ZNF385D: variants seen among roughly 807,000 people sequenced by gnomAD.
ZNF385D encodes zinc finger protein 659.
In ZNF385D, 15 loss-of-function variants were observed where a neutral mutation model predicts 35.8. The observed-to-expected ratio is 0.42, with a 90% CI of 0.28 to 0.64. The LOEUF (loss-of-function observed/expected upper bound fraction) is 0.64. Ranked by LOEUF, ZNF385D falls within the 30% of genes least tolerant of loss-of-function variation. ZNF385D has a pLI of 0.23. For synonymous variants in ZNF385D, 212 were observed against 186.8 expected (o/e 1.13, Z -1.10); for missense variants, 474 against 494.6 (o/e 0.96, Z 0.39).
At chr3:21,739,026 A>G (rs2069380600) in intron 1 of ZNF385D, among the ~76,000 whole-genome samples, 2 of 152,198 alleles carry the variant, frequency 1.3e-5, no homozygotes, top group Admixed American at 1.3e-4. Context: ...CTTCCCAACT[A>G]ATCATCACAT....
chr3:22,004,755 A>G (rs6784430), intron 3 of ZNF385D, among the ~76,000 whole-genome samples: 10,940 of 152,228 alleles, frequency 0.072, 1,280 homozygotes, highest in African/African-American at 0.25. Context: ...CAGAAACTCA[A>G]AAGAATGCAA....
Position 21,413,410 on chromosome 3 carries a change from G to A in ZNF385D, c.*7804C>T, listed in dbSNP as rs568821047. The A allele has an allele frequency of 2.4e-4, 36 of 152,098 alleles. No homozygotes were observed. The highest frequency in any genetic ancestry group is 2.0e-3 in the Admixed American group (31 of 15,258). The allele number at this position is 152,098 out of a possible 1,614,324, so 9.4% of individuals were successfully genotyped here. Reference sequence around the variant, plus strand: ...CATCACTGTGGCTGACCAATGATTCGGAATCTCACATTGGTGTGACTAGTG... The same window carrying A: ...CATCACTGTGGCTGACCAATGATTCAGAATCTCACATTGGTGTGACTAGTG... On this transcript the variant is annotated 3_prime_UTR_variant, in exon 8 of 8. Coordinates refer to ENST00000281523, the MANE Select transcript of ZNF385D (RefSeq NM_024697.3).
chr3:22,014,486 A>T (rs1696765048), intron 3 of ZNF385D, among the ~76,000 whole-genome samples: 1 of 152,166 alleles, frequency 6.6e-6, no homozygotes. Context: ...CATCAAACAA[A>T]ACACAAACTA....
chr3:22,030,270 T>C (rs1445326439), intron 3 of ZNF385D, among the ~76,000 whole-genome samples: 3 of 81,180 alleles, frequency 3.7e-5, no homozygotes, highest in South Asian at 8.5e-4. Flanking sequence ...TATATATATA[T>C]ATATATATAT....
chr3:21,443,732 CTCTAATGT>C (rs1701983323), intron 4 of ZNF385D, among the ~76,000 whole-genome samples: 1 of 152,190 alleles, frequency 6.6e-6, no homozygotes, highest in African/African-American at 2.4e-5. Context: ...CTGCATGAAA[CTCTAATGT>C]TCTAAGGGAT....
intron 2 of ZNF385D, among the ~76,000 whole-genome samples, chr3:21,572,949 CTT>C (rs11302141): frequency 1.1e-4 from 16 of 151,288 alleles, no homozygotes; most frequent in East Asian, 1.9e-4. Context: ...GAAGTAGACA[CTT>C]TTTTTTTTAC....
chr3:22,026,849 C>T (rs1697586628), intron 3 of ZNF385D, among the ~76,000 whole-genome samples: 1 of 152,182 alleles, frequency 6.6e-6, no homozygotes, highest in African/African-American at 2.4e-5. Flanking sequence ...CACCACGTCC[C>T]CATTCAACTA....
intron 3 of ZNF385D, among the ~76,000 whole-genome samples, chr3:21,958,403 T>G (rs9841763): frequency 0.68 from 103,835 of 151,908 alleles, 36,648 homozygotes; most frequent in Non-Finnish European, 0.77. Context: ...TATTCATCCT[T>G]AAAATGGAAA....
chr3:22,096,127 A>AT (rs111957617), intron 3 of ZNF385D, among the ~76,000 whole-genome samples: 18,901 of 151,640 alleles, frequency 0.12, 1,465 homozygotes, highest in Middle Eastern at 0.23. Context: ...AGGTAAAAAA[A>AT]ATATATATAC....
At chr3:22,178,802 T>G (rs918841179) in intron 2 of ZNF385D, among the ~76,000 whole-genome samples, 10 of 152,230 alleles carry the variant, frequency 6.6e-5, no homozygotes, top group African/African-American at 2.4e-4. Context: ...TTTCTACATA[T>G]GGCTAGCCAG....
At chr3:22,311,606 A>G (rs1703554570) in intron 2 of ZNF385D, among the ~76,000 whole-genome samples, 1 of 152,172 alleles carries the variant, frequency 6.6e-6, no homozygotes, top group Non-Finnish European at 1.5e-5. Context: ...GTAAAGATGT[A>G]AACTCGAAAG....
chr3:21,591,260 TATTATA>T (rs899672134), intron 2 of ZNF385D, among the ~76,000 whole-genome samples: 1 of 152,090 alleles, frequency 6.6e-6, no homozygotes, highest in Non-Finnish European at 1.5e-5. Context: ...AAAAATTCCA[TATTATA>T]ATTTTTTTTT....
intron 3 of ZNF385D, among the ~76,000 whole-genome samples, chr3:22,164,275 T>A (rs1341437550): frequency 7.4e-6 from 1 of 134,910 alleles, no homozygotes; most frequent in Non-Finnish European, 1.5e-5. Context: ...TGTTGCCAGG[T>A]TGTAGTACAA....
chr3:21,988,787 T>G (rs944086601), intron 3 of ZNF385D, among the ~76,000 whole-genome samples: 6 of 152,066 alleles, frequency 3.9e-5, no homozygotes, highest in Admixed American at 3.9e-4. Flanking sequence ...GCTTTGCAGT[T>G]TGATCTCAGA....
At chr3:21,834,668 C>T (rs1356720935) in intron 3 of ZNF385D, among the ~76,000 whole-genome samples, 1 of 152,132 alleles carries the variant, frequency 6.6e-6, no homozygotes, top group Non-Finnish European at 1.5e-5. Context: ...TAACGCATAT[C>T]CTAAGTGACA....
Position 21,862,123 on chromosome 3 carries a change from G to A in ZNF385D, c.326-197095C>T, listed in dbSNP as rs536812073. 9.2e-5 allele frequency among the ~76,000 whole-genome samples: 14 copies of A among 152,130 alleles called. 1 individual carries two copies. The highest frequency in any genetic ancestry group is 2.6e-4 in the African/African-American group (11 of 41,534). On this transcript the variant is annotated intron_variant, in intron 3 of 5. Coordinates refer to the ZNF385D transcript ENST00000494108. Reference sequence around the variant, plus strand: ...AGAGTAGGTAGTAGGACAAACAGCCGAGTACCTTGCTTATATGATCACTTT... The same window carrying A: ...AGAGTAGGTAGTAGGACAAACAGCCAAGTACCTTGCTTATATGATCACTTT...
intron 2 of ZNF385D, among the ~76,000 whole-genome samples, chr3:22,212,023 T>C (rs565979877): frequency 6.6e-6 from 1 of 152,040 alleles, no homozygotes; most frequent in Admixed American, 6.6e-5. Flanking sequence ...AATTCACAAA[T>C]GGTAATCCTC....
intron 4 of ZNF385D, among the ~76,000 whole-genome samples, chr3:21,501,703 T>G (rs533091666): frequency 1.3e-5 from 2 of 152,314 alleles, no homozygotes; most frequent in Admixed American, 6.5e-5. Flanking sequence ...AAGAATCATT[T>G]TTTTGCAGTT....
intron 2 of ZNF385D, among the ~76,000 whole-genome samples, chr3:22,371,156 C>A (rs1233501755): frequency 6.6e-6 from 1 of 152,090 alleles, no homozygotes; most frequent in African/African-American, 2.4e-5. Context: ...GCTTAGAGAC[C>A]AGAGTAGTGT....
Sources: allele counts gnomAD v4.1 joint callset (sites outside exome capture counted in the v4.1 genomes callset), GRCh38; gene constraint gnomAD v4.1.1; transcripts MANE v1.5; gene names NCBI Gene and HGNC (gene_info 2026-07-23, HGNC 2026-07-21).